The following PCDHGA9 variants were observed in gnomAD, a reference collection of about 807,000 sequenced individuals.
The protein encoded by PCDHGA9 is protocadherin gamma-A9.
PCDHGA9 carries 37 observed loss-of-function variants against 62.5 expected under a neutral mutation model. That is an observed-to-expected ratio of 0.59 (90% CI 0.46 to 0.78). PCDHGA9 has a LOEUF of 0.78. Among genes scored for constraint, PCDHGA9 ranks in the 30% least tolerant of loss-of-function variants. The probability of loss-of-function intolerance (pLI) is 0.00; values close to 1 mark genes in which losing one functional copy is unlikely to be tolerated. For missense variants in PCDHGA9, 1,138 were observed against 1,166.2 expected (o/e 0.98, Z 0.35); for synonymous variants, 459 against 484.6 (o/e 0.95, Z 0.69).
chr5:141,420,191 CAAGAT>C, intron 1 of PCDHGA9: 1 of 1,613,720 alleles, frequency 6.2e-7, no homozygotes, highest in Non-Finnish European at 8.5e-7. Context: ...TCCAGCCACA[CAAGAT>C]AACCTCAACA....
chr5:141,447,650 TC>T (rs1036312126), intron 1 of PCDHGA9, among the ~76,000 whole-genome samples: 1 of 151,988 alleles, frequency 6.6e-6, no homozygotes, highest in Non-Finnish European at 1.5e-5. Context: ...GGTAGAATTT[TC>T]CCCCCCAGGA....
chr5:141,413,319 C>T, intron 1 of PCDHGA9: 1 of 1,613,960 alleles, frequency 6.2e-7, no homozygotes, highest in South Asian at 1.1e-5. Context: ...AAGGCTCTTT[C>T]GTGGGCAACA....
intron 1 of PCDHGA9, among the ~76,000 whole-genome samples, chr5:141,463,346 C>G (rs963070531): frequency 6.7e-6 from 1 of 150,312 alleles, no homozygotes; most frequent in Non-Finnish European, 1.5e-5. Context: ...TGGTGTTATT[C>G]TTGGATTTCC....
intron 1 of PCDHGA9, chr5:141,423,072 G>A: frequency 1.2e-6 from 2 of 1,614,120 alleles, no homozygotes; most frequent in Non-Finnish European, 1.7e-6. Flanking sequence ...CCAGCGAGCC[G>A]GGACTCTTCG....
At chr5:141,415,055 C>G in intron 1 of PCDHGA9, 2 of 1,613,402 alleles carry the variant, frequency 1.2e-6, no homozygotes, top group East Asian at 2.2e-5. Flanking sequence ...GGGGAGCACA[C>G]GGGCGAGGTG....
At chr5:141,453,370 G>A (rs969698165) in intron 1 of PCDHGA9, among the ~76,000 whole-genome samples, 1 of 152,046 alleles carries the variant, frequency 6.6e-6, no homozygotes, top group Non-Finnish European at 1.5e-5. Context: ...CTGGGGTCAA[G>A]TGATCCTCCT....
chr5:141,478,013 C>G (rs768425714), intron 1 of PCDHGA9: 6 of 1,614,136 alleles, frequency 3.7e-6, no homozygotes. Flanking sequence ...TACTGCCCGT[C>G]CAGTCCAAGA....
chr5:141,492,787 G>A (rs1308203463), intron 1 of PCDHGA9, among the ~76,000 whole-genome samples: 2 of 152,254 alleles, frequency 1.3e-5, no homozygotes, highest in Admixed American at 6.5e-5. Context: ...AGCCTCTATA[G>A]GACAGCAGGA....
chr5:141,422,616 C>T, intron 1 of PCDHGA9: 1 of 1,613,714 alleles, frequency 6.2e-7, no homozygotes. Flanking sequence ...CCTACATTCC[C>T]GAAAACAACC....
chr5:141,466,969 C>T (rs2099133068), intron 1 of PCDHGA9, among the ~76,000 whole-genome samples: 1 of 152,068 alleles, frequency 6.6e-6, no homozygotes, highest in African/African-American at 2.4e-5. Flanking sequence ...TATTTTCTCA[C>T]AGCTCATCAT....
At chr5:141,434,337 C>T (rs939910421) in intron 1 of PCDHGA9, among the ~76,000 whole-genome samples, 13 of 152,230 alleles carry the variant, frequency 8.5e-5, no homozygotes, top group African/African-American at 2.4e-4. Context: ...CTCTTTGTGT[C>T]GGGAACAGGC....
intron 1 of PCDHGA9, chr5:141,415,055 C>T (rs767474996): frequency 6.2e-7 from 1 of 1,613,400 alleles, no homozygotes; most frequent in African/African-American, 1.3e-5. Flanking sequence ...GGGGAGCACA[C>T]GGGCGAGGTG....
chr5:141,431,476 A>G lies in PCDHGA9; in HGVS notation c.2424+26100A>G, dbSNP rs975772031. 1.9e-6 allele frequency: 3 copies of G among 1,613,864 alleles called. No homozygotes were observed. Among genetic ancestry groups the G allele is most frequent in the Admixed American group, 3.3e-5 (2 of 60,032 alleles). ...TGGTTCTGGATGCGAACGACAACGC[A>G]CCAGCGTTTGCTCAGCCCGAGTACC... On this transcript the variant is annotated intron_variant, in intron 1 of 3. Coordinates refer to ENST00000573521, the MANE Select transcript of PCDHGA9 (RefSeq NM_018921.3). This position sits in a 1 kb window ranked among gnomAD's most constrained non-coding sequence, Gnocchi z 4.8.
At position 141,490,712 on chromosome 5, in the gene PCDHGA9, A is replaced by T; in HGVS notation, c.2425-4095A>T. The stretch of plus-strand genomic sequence containing the variant: ...ACTGGGGATAATGCCCGCCTCACCT[A>T]CTCCATTGTAGGAAATCAGGTTCAG... On this transcript the variant is annotated intron_variant, in intron 1 of 3. Transcript: ENST00000573521. The surrounding 1 kb of genome is among the most constrained non-coding windows in gnomAD (Gnocchi z 5.4). The T allele has an allele frequency of 6.2e-7, 1 of 1,613,686 alleles. No homozygotes were observed. The highest frequency in any genetic ancestry group is 8.5e-7 in the Non-Finnish European group (1 of 1,179,894).
At chr5:141,433,085 G>A in intron 1 of PCDHGA9, 1 of 1,614,170 alleles carries the variant, frequency 6.2e-7, no homozygotes, top group Non-Finnish European at 8.5e-7. Flanking sequence ...GCCCAACTAT[G>A]CAGACATGCT....
intron 1 of PCDHGA9, among the ~76,000 whole-genome samples, chr5:141,434,609 G>T (rs189866750): frequency 1.3e-5 from 2 of 151,946 alleles, no homozygotes; most frequent in Non-Finnish European, 2.9e-5. Flanking sequence ...CTTTATTTCC[G>T]CCCATCTCTT....
intron 1 of PCDHGA9, chr5:141,415,542 T>C (rs770960227): frequency 1.2e-5 from 19 of 1,614,056 alleles, no homozygotes; most frequent in Non-Finnish European, 9.3e-6. Context: ...AGGAGAGCTG[T>C]GAGAAAAACG....
intron 1 of PCDHGA9, chr5:141,421,903 G>A (rs757656265): frequency 6.2e-6 from 10 of 1,613,704 alleles, no homozygotes; most frequent in African/African-American, 1.3e-5. Flanking sequence ...CCGAAAGGGC[G>A]CAGTTCCCAT....
rs551414580 is a variant in PCDHGA9, at chr5:141,493,693, C to T, written c.2425-1114C>T. ...GCCCCAGAATGGTGCTGGTGACTCC[C>T]GATACACCTGGAATGCTAGGTTTCT... On this transcript the variant is annotated intron_variant, in intron 1 of 3. Coordinates refer to ENST00000573521, the MANE Select transcript of PCDHGA9 (RefSeq NM_018921.3). This position sits in a 1 kb window ranked among gnomAD's most constrained non-coding sequence, Gnocchi z 4.3. 5.3e-5 allele frequency among the ~76,000 whole-genome samples: 8 copies of T among 152,168 alleles called. No individual in the cohort carries two copies. Among genetic ancestry groups the T allele is most frequent in the Non-Finnish European group, 1.0e-4 (7 of 68,032 alleles).
Sources: gnomAD v4.1 joint callset for allele counts (sites outside exome capture counted in the v4.1 genomes callset) on GRCh38, gnomAD v4.1.1 for gene constraint, Gnocchi (gnomAD v3.1) non-coding constraint, MANE v1.5 for transcripts, NCBI Gene and HGNC (gene_info 2026-07-23, HGNC 2026-07-21) for gene names.